CLASP1: variants seen among roughly 807,000 people sequenced by gnomAD.
The protein encoded by CLASP1 is cytoplasmic linker associated protein 1.
CLASP1 carries 38 observed loss-of-function variants against 192.3 expected under a neutral mutation model. The observed-to-expected ratio is 0.20, with a 90% CI of 0.15 to 0.26. The LOEUF is 0.26. Ranked by LOEUF, CLASP1 falls within the 10% of genes least tolerant of loss-of-function variation. The pLI, the probability that CLASP1 is intolerant of heterozygous loss-of-function variation, is 1.00. For synonymous variants in CLASP1, 691 were observed against 712.8 expected, an observed-to-expected ratio of 0.97 and a Z score of 0.49; for missense variants, 1,433 against 1,932.5, an observed-to-expected ratio of 0.74 and a Z score of 4.85.
chr2:121,445,641 A>G, intron 19 of CLASP1: 1 of 396,884 alleles, frequency 2.5e-6, no homozygotes, highest in South Asian at 2.0e-5. Context: ...GGGACAAAAT[A>G]AGGGAAGTTG....
intron 32 of CLASP1, among the ~76,000 whole-genome samples, chr2:121,386,048 C>G (rs762438882): frequency 5.9e-5 from 9 of 152,056 alleles, no homozygotes; most frequent in Non-Finnish European, 1.2e-4. Flanking sequence ...ATAGAAAATA[C>G]TTTGTTTCAC....
intron 9 of CLASP1, among the ~76,000 whole-genome samples, chr2:121,466,293 G>T (rs1386581732): frequency 6.6e-6 from 1 of 152,082 alleles, no homozygotes; most frequent in South Asian, 2.1e-4. Context: ...TAATCAGAAA[G>T]AACTAGAAAT....
intron 2 of CLASP1, among the ~76,000 whole-genome samples, chr2:121,576,492 G>A (rs543209794): frequency 2.0e-5 from 3 of 152,244 alleles, no homozygotes; most frequent in African/African-American, 7.2e-5. Flanking sequence ...AGATGTTCTA[G>A]GCTTATCTAT....
At chr2:121,342,004 A>G (rs907600182) in intron 39 of CLASP1, among the ~76,000 whole-genome samples, 5 of 152,240 alleles carry the variant, frequency 3.3e-5, no homozygotes, top group Non-Finnish European at 5.9e-5. Flanking sequence ...AAATAAATCA[A>G]TAATAGAAGG....
intron 36 of CLASP1, among the ~76,000 whole-genome samples, chr2:121,363,715 T>C (rs1325883222): frequency 1.4e-5 from 2 of 146,468 alleles, no homozygotes; most frequent in Non-Finnish European, 3.1e-5. Flanking sequence ...CCTGGATGTT[T>C]CATCAACACA....
chr2:121,446,037 A>AT (rs2084269808), intron 19 of CLASP1, among the ~76,000 whole-genome samples: 1 of 152,248 alleles, frequency 6.6e-6, no homozygotes, highest in African/African-American at 2.4e-5. Context: ...CAATGGTTAC[A>AT]TATGGACAAC....
chr2:121,629,542 G>C (rs2069077791), intron 1 of CLASP1, among the ~76,000 whole-genome samples: 1 of 152,150 alleles, frequency 6.6e-6, no homozygotes. Context: ...GGTAATCCCA[G>C]CACTTTGGGA....
intron 2 of CLASP1, among the ~76,000 whole-genome samples, chr2:121,592,513 C>T (rs774224188): frequency 2.6e-5 from 4 of 152,110 alleles, no homozygotes; most frequent in Non-Finnish European, 5.9e-5. Flanking sequence ...TTCATTCTTT[C>T]TATACATTTC....
intron 34 of CLASP1, among the ~76,000 whole-genome samples, chr2:121,372,528 C>A (rs772452511): frequency 1.3e-5 from 2 of 152,180 alleles, no homozygotes; most frequent in Admixed American, 6.5e-5. Flanking sequence ...ATAATTCCTG[C>A]AATTTGCATG....
chr2:121,567,907 T>C lies in CLASP1; in HGVS notation c.196-37582A>G, dbSNP rs553415614. On this transcript the variant is annotated intron_variant, in intron 2 of 39. Coordinates refer to ENST00000263710, the Ensembl canonical transcript of CLASP1. ...TAAGAAGTTATAAAGTCTCTTTCTT[T>C]ATGTGACTACTTCTATCTTCCTAGA... 2.0e-5 allele frequency among the ~76,000 whole-genome samples: 3 copies of C among 152,328 alleles called. No homozygotes were observed. In the South Asian group the frequency reaches 6.2e-4, roughly 32 times the overall value.
chr2:121,400,100 T>C (rs998100950), intron 28 of CLASP1, among the ~76,000 whole-genome samples: 2 of 152,222 alleles, frequency 1.3e-5, no homozygotes, highest in African/African-American at 2.4e-5. Context: ...TCCACTGGTA[T>C]AATGGTGTAC....
intron 30 of CLASP1, among the ~76,000 whole-genome samples, chr2:121,392,683 T>C (rs983827336): frequency 2.6e-5 from 4 of 152,242 alleles, no homozygotes; most frequent in African/African-American, 9.6e-5. Context: ...CAAATGGATG[T>C]CAAACTCCAG....
chr2:121,470,954 A>C (rs1422183307), intron 8 of CLASP1, among the ~76,000 whole-genome samples: 1 of 152,184 alleles, frequency 6.6e-6, no homozygotes, highest in East Asian at 1.9e-4. Flanking sequence ...TTAACTTTTA[A>C]ATTTTCTAAA....
intron 30 of CLASP1, among the ~76,000 whole-genome samples, chr2:121,396,312 G>C (rs1445990347): frequency 6.6e-6 from 1 of 152,188 alleles, no homozygotes; most frequent in East Asian, 1.9e-4. Context: ...GCTTTGCAAA[G>C]TAACACTATA....
intron 9 of CLASP1, among the ~76,000 whole-genome samples, chr2:121,467,779 T>C (rs993210040): frequency 1.3e-5 from 2 of 152,252 alleles, no homozygotes; most frequent in Non-Finnish European, 2.9e-5. Flanking sequence ...TATTTTGCTG[T>C]GCAGAAGCTC....
intron 19 of CLASP1, among the ~76,000 whole-genome samples, chr2:121,436,293 A>G (rs1033669404): frequency 6.6e-6 from 1 of 152,024 alleles, no homozygotes; most frequent in Non-Finnish European, 1.5e-5. Flanking sequence ...CAGCCTCCCA[A>G]AGCATTGGGA....
chr2:121,470,008 T>C, intron 8 of CLASP1, 48 bp from the exon 9 acceptor site: 3 of 1,306,260 alleles, frequency 2.3e-6, no homozygotes, highest in Non-Finnish European at 3.2e-6. Flanking sequence ...ACAAAAACTA[T>C]ATATACATAT....
intron 29 of CLASP1, 64 bp from the exon 31 acceptor site, chr2:121,397,347 C>A (rs2075449420): frequency 2.8e-6 from 4 of 1,453,706 alleles, no homozygotes; most frequent in Non-Finnish European, 3.8e-6. Flanking sequence ...CAATTCTTAT[C>A]AGGTGGCCAG....
chr2:121,492,843 G>T (rs1029529311), intron 8 of CLASP1, among the ~76,000 whole-genome samples: 5 of 152,024 alleles, frequency 3.3e-5, no homozygotes, highest in African/African-American at 1.2e-4. Flanking sequence ...ACACTCAAAA[G>T]AACTGAAAAC....
Sources: gnomAD v4.1 joint callset for allele counts (sites outside exome capture counted in the v4.1 genomes callset) on GRCh38, gnomAD v4.1.1 for gene constraint, MANE v1.5 for transcripts, NCBI Gene and HGNC (gene_info 2026-07-23, HGNC 2026-07-21) for gene names.